Variants in SERPINB5 observed in about 807,000 individuals in gnomAD.
SERPINB5 encodes serpin B5.
In SERPINB5, 27 loss-of-function variants were observed where a neutral mutation model predicts 32.2. The observed-to-expected ratio is 0.84, with a 90% CI of 0.62 to 1.16. The LOEUF (loss-of-function observed/expected upper bound fraction) is 1.16, where lower values mean the gene tolerates loss of function less well. Among genes scored for constraint, SERPINB5 ranks in the 50% most tolerant of loss-of-function variants. SERPINB5 has a pLI of 0.00. For missense variants in SERPINB5, 388 were observed against 436.3 expected, an observed-to-expected ratio of 0.89 and a Z score of 0.99; for synonymous variants, 154 against 157.4, an observed-to-expected ratio of 0.98 and a Z score of 0.16.
At chr18:63,493,517 G>A (rs1022168513) in intron 5 of SERPINB5, 12 of 353,376 alleles carry the variant, frequency 3.4e-5, no homozygotes, top group South Asian at 2.0e-4. Flanking sequence ...TTTCCTTATC[G>A]GTTGATAGCG....
chr18:63,480,971 G>A (rs556067521), intron 1 of SERPINB5, among the ~76,000 whole-genome samples: 13 of 152,294 alleles, frequency 8.5e-5, no homozygotes, highest in African/African-American at 2.9e-4. Flanking sequence ...GAACAGGAAG[G>A]CAGATCTCTT....
intron 2 of SERPINB5, among the ~76,000 whole-genome samples, chr18:63,485,049 C>T (rs888408780): frequency 1.3e-5 from 2 of 152,072 alleles, no homozygotes; most frequent in African/African-American, 4.8e-5. Flanking sequence ...TGTGAAAGCT[C>T]GCTTGTAGGT....
In SERPINB5 at chr18:63,498,831, T is replaced by C. The variant is rs1005526879; in HGVS notation, c.568-289T>C. 2.8e-5 allele frequency among the ~76,000 whole-genome samples: 4 copies of C among 140,422 alleles called. No homozygotes were observed. The highest frequency in any genetic ancestry group is 4.7e-5 in the Non-Finnish European group (3 of 64,146). The allele number at this position is 140,422 out of a possible 152,430, so 92.1% of individuals were successfully genotyped here. On this transcript the variant is annotated intron_variant, in intron 5 of 6. Coordinates refer to ENST00000382771, the MANE Select transcript of SERPINB5 (RefSeq NM_002639.5). The surrounding 1 kb of genome is among the most constrained non-coding windows in gnomAD (Gnocchi z 4.2). ...TGCATGTGTGTATATATGTATGGGG[T>C]ATATATATATAGTATGTATATATAA... is the stretch of plus-strand genomic sequence containing the variant.
At chr18:63,489,055 G>A (rs1917258093) in intron 3 of SERPINB5, among the ~76,000 whole-genome samples, 1 of 152,026 alleles carries the variant, frequency 6.6e-6, no homozygotes, top group African/African-American at 2.4e-5. Flanking sequence ...TCATGTTTCT[G>A]AAATTACAAC....
rs1179196402 is a variant in SERPINB5, at chr18:63,498,480, A to C, written c.568-640A>C. ...CAGCTCCACCAGGAATAGTTTAAAG[A>C]TCTCATAGGCATCTGTAAAGAATAA... On this transcript the variant is annotated intron_variant, in intron 5 of 6. Coordinates refer to ENST00000382771, the MANE Select transcript of SERPINB5 (RefSeq NM_002639.5). This position sits in a 1 kb window ranked among gnomAD's most constrained non-coding sequence, Gnocchi z 4.2. Among the ~76,000 whole-genome samples the C allele has an allele frequency of 6.6e-6, 1 of 152,204 alleles. No homozygotes were observed. The highest frequency in any genetic ancestry group is 1.5e-5 in the Non-Finnish European group (1 of 68,046).
chr18:63,478,488 A>C (rs1046605889), intron 1 of SERPINB5, among the ~76,000 whole-genome samples: 1 of 152,224 alleles, frequency 6.6e-6, no homozygotes, highest in South Asian at 2.1e-4. Context: ...TAGTCCTCAT[A>C]GTCTTTCACA....
intron 1 of SERPINB5, 51 bp from the exon 2 acceptor site, chr18:63,484,371 A>G: frequency 6.6e-7 from 1 of 1,507,488 alleles, no homozygotes; most frequent in Non-Finnish European, 8.9e-7. Flanking sequence ...GCAGTTGAGA[A>G]GACGTTAAAG....
At chr18:63,493,204 C>A in intron 5 of SERPINB5, 109 bp downstream of exon 5, 1 of 1,441,692 alleles carries the variant, frequency 6.9e-7, no homozygotes, top group South Asian at 1.2e-5. Flanking sequence ...GAGGGCACGG[C>A]CGGCAAAGTG....
chr18:63,479,996 G>A (rs923224851), intron 1 of SERPINB5, among the ~76,000 whole-genome samples: 1 of 152,216 alleles, frequency 6.6e-6, no homozygotes, highest in Non-Finnish European at 1.5e-5. Flanking sequence ...CAAGAAAGCA[G>A]GTGATCAGGT....
chr18:63,501,511 C>T (rs1218328834), intron 6 of SERPINB5, among the ~76,000 whole-genome samples: 1 of 152,120 alleles, frequency 6.6e-6, no homozygotes, highest in Non-Finnish European at 1.5e-5. Flanking sequence ...CATACGTGTG[C>T]ATGTGTCTTT....
In SERPINB5 at chr18:63,493,046, A is replaced by G. The variant is rs766639393; in HGVS notation, c.518A>G (p.Lys173Arg). 1.2e-6 allele frequency: 2 copies of G among 1,614,238 alleles called. No homozygotes were observed. Among genetic ancestry groups the G allele is most frequent in the South Asian group, 2.2e-5 (2 of 91,082 alleles). ...NAAYFVGKWM[K>R]KFSESETKEC... ...GCCTACTTTGTTGGCAAGTGGATGA[A>G]GAAATTTTCTGAATCAGAAACAAAA... The change falls in exon 5 of 7, where the codon AAG becomes AGG. Residue 173 changes from lysine to arginine, a missense_variant. Transcript: ENST00000382771.
intron 1 of SERPINB5, among the ~76,000 whole-genome samples, chr18:63,481,173 A>G (rs1198866050): frequency 6.6e-6 from 1 of 152,246 alleles, no homozygotes; most frequent in Non-Finnish European, 1.5e-5. Context: ...AACTACACTA[A>G]AAGCCACAAT....
chr18:63,496,800 A>G (rs1472607228), intron 5 of SERPINB5, among the ~76,000 whole-genome samples: 1 of 152,232 alleles, frequency 6.6e-6, no homozygotes, highest in Non-Finnish European at 1.5e-5. Flanking sequence ...CTTAGCGTGA[A>G]TTAATTTTCC....
intron 6 of SERPINB5, 115 bp from the exon 7 acceptor site, chr18:63,503,215 C>T: frequency 8.4e-7 from 1 of 1,185,956 alleles, no homozygotes; most frequent in East Asian, 2.5e-5. Context: ...CTTTGATGTT[C>T]CACCCAGACT....
Position 63,499,110 on chromosome 18 carries a change from C to T in SERPINB5, c.568-10C>T, listed in dbSNP as rs749875287. ...TGAAAAGTAAGCAGTCCAAATTTTC[C>T]CTTTTACAGACAGACACCAAACCAG... On this transcript the variant is annotated splice_polypyrimidine_tract_variant and intron_variant, in intron 5 of 6. Transcript: ENST00000382771. 6 of 1,431,758 alleles carry T rather than the reference C, an allele frequency of 4.2e-6. No homozygotes were observed. In the South Asian group the frequency reaches 6.8e-5, roughly 16 times the overall value. The allele number at this position is 1,431,758 out of a possible 1,614,324, so 88.7% of individuals were successfully genotyped here.
chr18:63,494,167 C>G (rs1385720548), intron 5 of SERPINB5, among the ~76,000 whole-genome samples: 1 of 151,536 alleles, frequency 6.6e-6, no homozygotes, highest in Non-Finnish European at 1.5e-5. Flanking sequence ...ACTAAAAATA[C>G]AAAAATTAGC....
intron 4 of SERPINB5, among the ~76,000 whole-genome samples, chr18:63,489,796 G>C (rs1381182611): frequency 1.3e-5 from 2 of 152,182 alleles, no homozygotes; most frequent in Non-Finnish European, 2.9e-5. Context: ...TTTTCAGTCT[G>C]GAAATAGAGG....
intron 2 of SERPINB5, 107 bp downstream of exon 2, chr18:63,484,703 C>A: frequency 5.7e-5 from 34 of 600,022 alleles, no homozygotes; most frequent in South Asian, 1.1e-4. Flanking sequence ...CAGAATTGGT[C>A]AAGATTCAGA....
At chr18:63,478,113 G>T (rs1190016486) in intron 1 of SERPINB5, among the ~76,000 whole-genome samples, 2 of 152,220 alleles carry the variant, frequency 1.3e-5, no homozygotes, top group Non-Finnish European at 2.9e-5. Context: ...TGGAGATGAA[G>T]CCTGTCTGAG....
Sources: allele counts gnomAD v4.1 joint callset (sites outside exome capture counted in the v4.1 genomes callset), GRCh38; gene constraint gnomAD v4.1.1; non-coding constraint Gnocchi (gnomAD v3.1); transcripts MANE v1.5; gene names NCBI Gene and HGNC (gene_info 2026-07-23, HGNC 2026-07-21).